HIVEP3: variants seen among roughly 807,000 people sequenced by gnomAD.
HIVEP3 encodes the protein transcription factor HIVEP3.
In HIVEP3, 49 loss-of-function variants were observed where a neutral mutation model predicts 152.8. The observed-to-expected ratio is 0.32, with a 90% CI of 0.26 to 0.41. The LOEUF (loss-of-function observed/expected upper bound fraction) is 0.41. Among genes scored for constraint, HIVEP3 ranks in the 10% least tolerant of loss-of-function variants. The pLI is 1.00. For missense variants in HIVEP3, 2,790 were observed against 3,103.3 expected (o/e 0.90, Z 2.40); for synonymous variants, 1,269 against 1,289.0 (o/e 0.98, Z 0.33).
intron 1 of HIVEP3, among the ~76,000 whole-genome samples, chr1:41,807,793 C>T (rs1650723662): frequency 1.3e-5 from 2 of 152,162 alleles, no homozygotes; most frequent in African/African-American, 4.8e-5. Flanking sequence ...GTGATGCTTG[C>T]CCTGGATCTG....
chr1:41,510,767 G>A lies in HIVEP3; in HGVS notation c.6905C>T (p.Pro2302Leu), dbSNP rs1293270271. 6.3e-7 allele frequency: 1 copy of A among 1,599,816 alleles called. No individual in the cohort carries two copies. Among genetic ancestry groups the A allele is most frequent in the Non-Finnish European group, 8.5e-7 (1 of 1,173,812 alleles). ...GGTGCAGGGGCTGTGCGTGGGTGTG[G>A]GCTCTGCAGGTGCCCCGGTCCCATG... ...TPHGTGAPAE[P>L]TPTHSPCTPP... Residue 2302 changes from proline to leucine, a missense_variant, in exon 9 of 9, where the codon CCC (proline) becomes CTC (leucine). Coordinates refer to ENST00000372583, the MANE Select transcript of HIVEP3 (RefSeq NM_024503.5).
chr1:41,953,959 G>A (rs1382889590), intron 1 of HIVEP3, among the ~76,000 whole-genome samples: 1 of 152,190 alleles, frequency 6.6e-6, no homozygotes, highest in Non-Finnish European at 1.5e-5. Flanking sequence ...CTTACACTTA[G>A]TGCAAAGCTC....
intron 1 of HIVEP3, chr1:41,847,240 G>A (rs1643468304): frequency 6.6e-6 from 1 of 152,154 alleles, no homozygotes; most frequent in South Asian, 2.1e-4. Context: ...GAGAAAAGTT[G>A]GAAACAACCT....
At chr1:41,915,941 C>G (rs1164562363) in intron 1 of HIVEP3, among the ~76,000 whole-genome samples, 2 of 152,134 alleles carry the variant, frequency 1.3e-5, no homozygotes, top group Non-Finnish European at 1.5e-5. Context: ...GGATGGAGAA[C>G]AGCATGTCAG....
chr1:42,004,848 A>G lies in HIVEP3; in HGVS notation n.119+30959T>C, dbSNP rs577047175. ...AGCCTGGCAGTCTGTGTTTCAAGTC[A>G]CCATTGTGATCTTGATGACTGCTAC... On this transcript the variant is annotated intron_variant and non_coding_transcript_variant, in intron 1 of 3. Transcript: ENST00000489103. Among the ~76,000 whole-genome samples the G allele has an allele frequency of 5.3e-5, 8 of 152,346 alleles. No homozygotes were observed. In the East Asian group the frequency reaches 1.5e-3, roughly 29 times the overall value.
intron 1 of HIVEP3, among the ~76,000 whole-genome samples, chr1:41,987,771 G>A (rs141064241): frequency 1.3e-5 from 2 of 152,316 alleles, no homozygotes; most frequent in African/African-American, 4.8e-5. Flanking sequence ...ATAAAAGAAA[G>A]AGGCTTAATT....
chr1:41,860,281 T>A (rs1027704906), intron 1 of HIVEP3, among the ~76,000 whole-genome samples: 1 of 152,178 alleles, frequency 6.6e-6, no homozygotes, highest in Non-Finnish European at 1.5e-5. Flanking sequence ...CTTGACAAGA[T>A]GGAAAACCTT....
intron 3 of HIVEP3, among the ~76,000 whole-genome samples, chr1:41,606,704 CT>C (rs1404301866): frequency 5.3e-4 from 81 of 151,954 alleles, no homozygotes; most frequent in South Asian, 2.1e-4. Flanking sequence ...GAGTGACAAA[CT>C]TTCTGAATCT....
chr1:41,621,967 G>T (rs1449570163), intron 3 of HIVEP3, among the ~76,000 whole-genome samples: 1 of 152,194 alleles, frequency 6.6e-6, no homozygotes, highest in Non-Finnish European at 1.5e-5. Flanking sequence ...CATCAGTTAG[G>T]GCCAAACACA....
intron 5 of HIVEP3, 87 bp from the exon 6 acceptor site, chr1:41,524,997 C>T: frequency 7.9e-7 from 1 of 1,261,356 alleles, no homozygotes; most frequent in Non-Finnish European, 1.1e-6. Flanking sequence ...TTCCTAGATT[C>T]ATCCAGCCCG....
intron 3 of HIVEP3, among the ~76,000 whole-genome samples, chr1:41,604,649 C>T (rs534781922): frequency 6.6e-6 from 1 of 152,236 alleles, no homozygotes; most frequent in East Asian, 1.9e-4. Context: ...ATGTCAGCAC[C>T]CTGATCTTAG....
At chr1:41,838,480 TC>T (rs1431058280) in intron 1 of HIVEP3, among the ~76,000 whole-genome samples, 3 of 152,156 alleles carry the variant, frequency 2.0e-5, no homozygotes, top group Admixed American at 6.6e-5. Flanking sequence ...CTGCCTCATA[TC>T]CGCTTGTGGT....
At chr1:41,648,135 T>C (rs920734392) in intron 2 of HIVEP3, among the ~76,000 whole-genome samples, 4 of 152,236 alleles carry the variant, frequency 2.6e-5, no homozygotes, top group African/African-American at 9.6e-5. Context: ...TGCTGAAATA[T>C]ATAGACCAAC....
chr1:41,669,551 C>T (rs1558164953), intron 2 of HIVEP3, among the ~76,000 whole-genome samples: 1 of 152,150 alleles, frequency 6.6e-6, no homozygotes. Flanking sequence ...TACTGAAGAC[C>T]TGAATAGAAT....
At chr1:41,893,681 G>A (rs1644482706) in intron 1 of HIVEP3, among the ~76,000 whole-genome samples, 1 of 151,196 alleles carries the variant, frequency 6.6e-6, no homozygotes, top group Non-Finnish European at 1.5e-5. Flanking sequence ...ACCTGTCAGA[G>A]CCTCAGGTTT....
At chr1:41,997,024 C>T (rs1645399529) in intron 1 of HIVEP3, among the ~76,000 whole-genome samples, 1 of 152,186 alleles carries the variant, frequency 6.6e-6, no homozygotes, top group South Asian at 2.1e-4. Context: ...AATCTTCCAG[C>T]CTCAAGATCC....
intron 2 of HIVEP3, among the ~76,000 whole-genome samples, chr1:41,681,553 A>AG (rs1448278188): frequency 6.6e-6 from 1 of 152,122 alleles, no homozygotes; most frequent in Non-Finnish European, 1.5e-5. Context: ...GTGTGATCCC[A>AG]GGGTTAGTTT....
chr1:41,689,504 C>T (rs1273407807), intron 2 of HIVEP3, among the ~76,000 whole-genome samples: 1 of 152,160 alleles, frequency 6.6e-6, no homozygotes, highest in Non-Finnish European at 1.5e-5. Context: ...CAGGACTTTC[C>T]ATTTCACGGG....
intron 1 of HIVEP3, among the ~76,000 whole-genome samples, chr1:41,826,456 C>G (rs184602131): frequency 2.6e-5 from 4 of 152,270 alleles, no homozygotes; most frequent in Admixed American, 2.6e-4. Flanking sequence ...TCTTATTGCC[C>G]AGGCTGGAGT....
Sources: allele counts gnomAD v4.1 joint callset (sites outside exome capture counted in the v4.1 genomes callset), GRCh38; gene constraint gnomAD v4.1.1; transcripts MANE v1.5; gene names NCBI Gene and HGNC (gene_info 2026-07-23, HGNC 2026-07-21).